The following CFAP46 variants were observed in gnomAD, a reference collection of about 807,000 sequenced individuals.
CFAP46 encodes cilia- and flagella-associated protein 46.
CFAP46 carries 245 observed loss-of-function variants against 325.7 expected under a neutral mutation model. The observed-to-expected ratio is 0.75, with a 90% CI of 0.68 to 0.84. The LOEUF is 0.84. Ranked by LOEUF, CFAP46 falls within the 40% of genes least tolerant of loss-of-function variation. The probability of loss-of-function intolerance (pLI) is 0.00; values close to 1 mark genes in which losing one functional copy is unlikely to be tolerated. For missense variants in CFAP46, 3,346 were observed against 3,543.0 expected, an observed-to-expected ratio of 0.94 and a Z score of 1.41; for synonymous variants, 1,523 against 1,495.9, an observed-to-expected ratio of 1.02 and a Z score of -0.42.
At chr10:132,833,853 G>C (rs1401244230) in intron 49 of CFAP46, among the ~76,000 whole-genome samples, 188 bp downstream of exon 49, 1 of 152,210 alleles carries the variant, frequency 6.6e-6, no homozygotes, top group African/African-American at 2.4e-5. Flanking sequence ...GGCTGGTCCA[G>C]GGCTGTGCAG....
chr10:132,936,897 A>T, intron 7 of CFAP46, 64 bp downstream of exon 7: 1 of 987,644 alleles, frequency 1.0e-6, no homozygotes, highest in Non-Finnish European at 1.5e-6. Flanking sequence ...TGGAGGGGAC[A>T]GAGCTCTCCC....
rs1848535242 is a variant in CFAP46, at chr10:132,851,131, T to C, written c.5749A>G (p.Thr1917Ala). ...ADYLQNTSDY[T>A]SVGLQWFTLK... Reference sequence around the variant, plus strand: ...CCAGCAATTACCAGGCCGACGGAAGTGTAGTCACTGGTGTTCTGCAGATAG... The same window carrying C: ...CCAGCAATTACCAGGCCGACGGAAGCGTAGTCACTGGTGTTCTGCAGATAG... The change falls in exon 40 of 58, where the codon ACT becomes GCT. Residue 1917 changes from threonine to alanine, a missense_variant. Coordinates refer to ENST00000368586, the MANE Select transcript of CFAP46 (RefSeq NM_001200049.3). 2 of 1,613,728 alleles carry C rather than the reference T, an allele frequency of 1.2e-6. No individual in the cohort carries two copies. Among genetic ancestry groups the C allele is most frequent in the Admixed American group, 1.7e-5 (1 of 59,988 alleles).
intron 50 of CFAP46, among the ~76,000 whole-genome samples, chr10:132,820,700 T>C (rs1162938311): frequency 9.6e-6 from 1 of 103,650 alleles, no homozygotes; most frequent in Non-Finnish European, 2.2e-5. Context: ...TGTGCTGATG[T>C]GTGCTGTGTG....
chr10:132,816,530 A>G (rs1196630801), intron 50 of CFAP46, among the ~76,000 whole-genome samples: 1 of 151,374 alleles, frequency 6.6e-6, no homozygotes, highest in Non-Finnish European at 1.5e-5. Context: ...ATGGGGTTTC[A>G]CCGTGTTAGC....
chr10:132,879,741 G>C, intron 28 of CFAP46, 110 bp from the exon 29 acceptor site: 1 of 1,120,624 alleles, frequency 8.9e-7, no homozygotes, highest in Non-Finnish European at 1.2e-6. Context: ...GTGCCTCGCG[G>C]ACACCCGGTG....
At position 132,885,189 on chromosome 10, in the gene CFAP46, C is replaced by A. The variant is rs964469887; in HGVS notation, c.3541G>T (p.Ala1181Ser). ...KFKAESEDYLARMWHRLALNS... is the reference protein window; with the variant it reads ...KFKAESEDYLSRMWHRLALNS... Reference sequence around the variant, plus strand: ...AGGGCCAGGCGGTGCCACATGCGCGCCAAGTAGTCCTCACTCTCGGCCTTG... The same window carrying A: ...AGGGCCAGGCGGTGCCACATGCGCGACAAGTAGTCCTCACTCTCGGCCTTG... The change falls in exon 27 of 58, where the codon GCG becomes TCG. Residue 1181 changes from alanine (A) to serine (S), a missense_variant. Coordinates refer to ENST00000368586, the MANE Select transcript of CFAP46 (RefSeq NM_001200049.3). The A allele has an allele frequency of 1.9e-5, 30 of 1,550,414 alleles. No homozygotes were observed. The highest frequency in any genetic ancestry group is 2.2e-5 in the Non-Finnish European group (25 of 1,146,998).
At chr10:132,835,265 G>C (rs1187106983) in intron 47 of CFAP46, 39 bp downstream of exon 47, 1 of 1,604,352 alleles carries the variant, frequency 6.2e-7, no homozygotes, top group South Asian at 1.1e-5. Flanking sequence ...GGGGAGCAGA[G>C]GGTCCCGGCT....
intron 19 of CFAP46, among the ~76,000 whole-genome samples, chr10:132,912,451 CT>C: frequency 6.9e-6 from 1 of 144,208 alleles, no homozygotes; most frequent in African/African-American, 2.6e-5. Flanking sequence ...TCTCCTCTCT[CT>C]CTCTCTTCAC....
rs1342176623 is a variant in CFAP46, at chr10:132,828,178, G to C, written c.7117+5180C>G. 6.6e-6 allele frequency among the ~76,000 whole-genome samples: 1 copy of C among 152,256 alleles called. No homozygotes were observed. The highest frequency in any genetic ancestry group is 1.5e-5 in the Non-Finnish European group (1 of 68,050). ...ATAACGCTGCTGTAAACATGTGTAT[G>C]AGTTTCTGCGGGACGCGTGTCTCCT... On this transcript the variant is annotated intron_variant, in intron 50 of 57. Coordinates refer to ENST00000368586, the MANE Select transcript of CFAP46 (RefSeq NM_001200049.3). This position sits in a 1 kb window ranked among gnomAD's most constrained non-coding sequence, Gnocchi z 4.9.
rs1308091850 is a variant in CFAP46 at position 132,919,155 on chromosome 10, C to A, written c.1858+160G>T. On this transcript the variant is annotated intron_variant, in intron 15 of 57. Coordinates refer to ENST00000368586, the MANE Select transcript of CFAP46 (RefSeq NM_001200049.3). This position sits in a 1 kb window ranked among gnomAD's most constrained non-coding sequence, Gnocchi z 9.7. ...GATGTGGCCGCCGCCCCATGATTGGCGGTCCTGATAATTAGTGGGAACTGC... is the reference window on the plus strand; with the variant it reads ...GATGTGGCCGCCGCCCCATGATTGGAGGTCCTGATAATTAGTGGGAACTGC... Among the ~76,000 whole-genome samples, 4 of 152,208 alleles carry A rather than the reference C, an allele frequency of 2.6e-5. No individual in the cohort carries two copies. Among genetic ancestry groups the A allele is most frequent in the African/African-American group, 9.7e-5 (4 of 41,448 alleles).
At chr10:132,854,323 G>GTGTTTTGTTT (rs59344968) in intron 39 of CFAP46, among the ~76,000 whole-genome samples, 7,926 of 151,164 alleles carry the variant, frequency 0.052, 344 homozygotes, top group African/African-American at 0.12. Flanking sequence ...ATAGCTTTCT[G>GTGTTTTGTTT]TGTTTTGTTT....
Position 132,926,586 on chromosome 10 carries a change from G to A in CFAP46, c.1047C>T (p.Tyr349=), listed in dbSNP as rs1849815208. The A allele has an allele frequency of 6.5e-7, 1 of 1,535,818 alleles. No individual in the cohort carries two copies. Among genetic ancestry groups the A allele is most frequent in the Non-Finnish European group, 8.7e-7 (1 of 1,146,746 alleles). ...ALRLESKMKV[Y]NRAAVEAQLD... is the part of the protein sequence containing the mutation. ...GACTGACCTCAACAGCCGCTCGGTT[G>A]TACACTTTCATCTTACTTTCAAGTC... is the stretch of plus-strand genomic sequence containing the variant. Residue 349 remains tyrosine, a synonymous_variant, in exon 10 of 58, where the codon TAC becomes TAT. Coordinates refer to ENST00000368586, the MANE Select transcript of CFAP46 (RefSeq NM_001200049.3).
chr10:132,815,200 C>T (rs922954562), intron 50 of CFAP46, among the ~76,000 whole-genome samples: 1 of 152,236 alleles, frequency 6.6e-6, no homozygotes, highest in Non-Finnish European at 1.5e-5. Flanking sequence ...ACCAGTGTGC[C>T]TGCCATGCCC....
intron 50 of CFAP46, among the ~76,000 whole-genome samples, chr10:132,829,880 G>A (rs991691214): frequency 4.6e-5 from 7 of 152,148 alleles, no homozygotes; most frequent in African/African-American, 7.2e-5. Flanking sequence ...TAAAACCCAC[G>A]TGGACATAAT....
Position 132,860,453 on chromosome 10 carries a change from G to T in CFAP46, c.5162C>A (p.Pro1721His), listed in dbSNP as rs1000730033. 5 of 1,551,134 alleles carry T rather than the reference G, an allele frequency of 3.2e-6. No individual in the cohort carries two copies. Among genetic ancestry groups the T allele is most frequent in the Admixed American group, 3.9e-5 (2 of 51,000 alleles). Residue 1721 changes from proline to histidine, a missense_variant, in exon 37 of 58, where the codon CCT (proline) becomes CAT (histidine). Transcript: ENST00000368586. ...ATCTGTGATCATGAATTCCAGTAAA[G>T]GCAATCGGTTTGGTCTTTCTTTCTT... The part of the protein sequence containing the change: ...ILKKERPNRL[P>H]LLEFMITDLE...
chr10:132,927,170 G>C lies in CFAP46; in HGVS notation c.967-504C>G, dbSNP rs918894902. On this transcript the variant is annotated intron_variant, in intron 9 of 57. Transcript: ENST00000368586. ...GACCACTAAACCCACCCCGCTCGAG[G>C]GGTGACACCCCTAAACCCGCCCTGG... Among the ~76,000 whole-genome samples the C allele has an allele frequency of 7.9e-5, 12 of 152,210 alleles. 1 individual carries two copies. Among genetic ancestry groups the C allele is most frequent in the Admixed American group, 6.5e-4 (10 of 15,276 alleles).
At chr10:132,818,642 C>T (rs770327590) in intron 50 of CFAP46, among the ~76,000 whole-genome samples, 9 of 152,068 alleles carry the variant, frequency 5.9e-5, no homozygotes, top group Admixed American at 2.6e-4. Flanking sequence ...CACCTGAGGG[C>T]AGGAGTTTGA....
At position 132,909,189 on chromosome 10, in the gene CFAP46, T is replaced by C. The variant is rs567269285; in HGVS notation, c.2705A>G (p.Tyr902Cys). Reference protein sequence around the residue: ...VTRVLVALEMYSCNGLGLMDF... With the variant: ...VTRVLVALEMCSCNGLGLMDF... ...CATGAGGCCCAGCCCGTTGCATGAG[T>C]ACATTTCCAAGGCAACGAGGACTCT... The change falls in exon 21 of 58, where the codon TAC becomes TGC. Residue 902 changes from tyrosine (Y) to cysteine (C), a missense_variant. By Grantham distance (194) the Tyr-to-Cys change is radical. Coordinates refer to ENST00000368586, the MANE Select transcript of CFAP46 (RefSeq NM_001200049.3). 3 of 1,550,002 alleles carry C rather than the reference T, an allele frequency of 1.9e-6. No homozygotes were observed. The highest frequency in any genetic ancestry group is 2.0e-5 in the Admixed American group (1 of 50,964).
intron 33 of CFAP46, among the ~76,000 whole-genome samples, chr10:132,867,715 G>C (rs1286035723): frequency 6.6e-6 from 1 of 152,176 alleles, no homozygotes; most frequent in Non-Finnish European, 1.5e-5. Context: ...CAAACTCCAA[G>C]GTCATGTCCA....
Sources: allele counts gnomAD v4.1 joint callset (sites outside exome capture counted in the v4.1 genomes callset), GRCh38; gene constraint gnomAD v4.1.1; non-coding constraint Gnocchi (gnomAD v3.1); transcripts MANE v1.5; gene names NCBI Gene and HGNC (gene_info 2026-07-23, HGNC 2026-07-21).